The following SLC22A16 variants were observed in gnomAD, a reference collection of about 807,000 sequenced individuals.
SLC22A16 encodes WUGSC:RG331P03.1.
SLC22A16 carries 53 observed loss-of-function variants against 52.9 expected under a neutral mutation model. That is an observed-to-expected ratio of 1.00 (90% CI 0.80 to 1.26). The LOEUF (loss-of-function observed/expected upper bound fraction) is 1.26, where lower values mean the gene tolerates loss of function less well. SLC22A16 is among the 50% of genes most tolerant of loss of function. SLC22A16 has a pLI of 0.00. For synonymous variants in SLC22A16, 291 were observed against 268.8 expected, an observed-to-expected ratio of 1.08 and a Z score of -0.81; for missense variants, 726 against 704.0, an observed-to-expected ratio of 1.03 and a Z score of -0.35.
chr6:110,463,338 AT>A (rs889128575), intron 1 of SLC22A16, among the ~76,000 whole-genome samples: 6 of 151,432 alleles, frequency 4.0e-5, no homozygotes, highest in African/African-American at 4.8e-5. Context: ...AGCAAAATGG[AT>A]TTTTTTTTAA....
At chr6:110,476,409 A>G (rs6920997) in intron 1 of SLC22A16, 113 bp downstream of exon 1, 1,208,856 of 1,391,140 alleles carry the variant, frequency 0.87, 530,671 homozygotes, top group Middle Eastern at 0.9. Context: ...GGTGAGGAGG[A>G]AGTGGAGATG....
chr6:110,454,178 A>G (rs1004451837), intron 2 of SLC22A16, among the ~76,000 whole-genome samples: 2 of 152,104 alleles, frequency 1.3e-5, no homozygotes, highest in African/African-American at 4.8e-5. Context: ...AAGCCATAGC[A>G]CTCATCTTTT....
At chr6:110,459,460 T>C (rs1180361025) in intron 1 of SLC22A16, among the ~76,000 whole-genome samples, 2 of 152,114 alleles carry the variant, frequency 1.3e-5, no homozygotes, top group African/African-American at 4.8e-5. Flanking sequence ...AGACCCCAGA[T>C]TGGGGGTCAT....
chr6:110,438,585 A>T (rs569441239), intron 5 of SLC22A16, 135 bp downstream of exon 5: 1 of 878,586 alleles, frequency 1.1e-6, no homozygotes, highest in South Asian at 4.1e-5. Flanking sequence ...TTTAAAGAAA[A>T]CAGATTTTTA....
At position 110,428,682 on chromosome 6, in the gene SLC22A16, G is replaced by A. The variant is rs191407556; in HGVS notation, c.1521+2489C>T. On this transcript the variant is annotated intron_variant, in intron 7 of 7. Transcript: ENST00000368919. Reference sequence around the variant, plus strand: ...TGTAATCCCAGCACTTTGGGAGGCCGAGATGGGCAGATCACCTGAGGTCAG... The same window carrying A: ...TGTAATCCCAGCACTTTGGGAGGCCAAGATGGGCAGATCACCTGAGGTCAG... Among the ~76,000 whole-genome samples, 731 of 152,278 alleles carry A rather than the reference G, an allele frequency of 4.8e-3. 3 individuals are homozygous for A. Among genetic ancestry groups the A allele is most frequent in the African/African-American group, 0.017 (688 of 41,558 alleles).
chr6:110,470,271 C>T (rs950054279), intron 1 of SLC22A16, among the ~76,000 whole-genome samples: 9 of 152,020 alleles, frequency 5.9e-5, no homozygotes, highest in African/African-American at 1.7e-4. Context: ...AAATCATGTA[C>T]GTATGGTGCA....
intron 4 of SLC22A16, among the ~76,000 whole-genome samples, chr6:110,440,653 C>T (rs767286726): frequency 1.3e-5 from 2 of 151,770 alleles, no homozygotes; most frequent in Non-Finnish European, 2.9e-5. Context: ...GGCATGTGCC[C>T]GTAATATCAT....
In SLC22A16 at chr6:110,476,432, G is replaced by A. The variant is rs1404243774; in HGVS notation, c.53+90C>T. 118 of 1,401,178 alleles carry A rather than the reference G, an allele frequency of 8.4e-5. 1 individual carries two copies. The highest frequency in any genetic ancestry group is 1.0e-4 in the Non-Finnish European group (113 of 1,077,504). The allele number at this position is 1,401,178 out of a possible 1,614,324, so 86.8% of individuals were successfully genotyped here. A position where few individuals can be genotyped will look rare whatever the true frequency, so the allele number is the denominator to read the frequency against. ...GGAAGTGGAGATGTTTTCGGATCGCGAGCGCCGCGCGAGAACCCCGCCGCA... is the reference window on the plus strand; with the variant it reads ...GGAAGTGGAGATGTTTTCGGATCGCAAGCGCCGCGCGAGAACCCCGCCGCA... On this transcript the variant is annotated intron_variant, in intron 1 of 7. Transcript: ENST00000368919.
rs1209110768 is a variant in SLC22A16, at chr6:110,442,651, A to G, written c.776T>C (p.Leu259Ser). The change falls in exon 4 of 8, where the codon TTG becomes TCG. Residue 259 changes from leucine to serine, a missense_variant. By Grantham distance (145) the Leu-to-Ser change is moderately radical (BLOSUM62 -2). Coordinates refer to ENST00000368919, the MANE Select transcript of SLC22A16 (RefSeq NM_033125.4). The stretch of plus-strand genomic sequence containing the variant: ...CCAGGTCCTGACCAAGTATCCTGTC[A>G]AAGCCACCAGCAGGGTTCCAACTGC... ...FFAVGTLLVA[L>S]TGYLVRTWWL... is the part of the protein sequence containing the mutation. The G allele has an allele frequency of 6.2e-7, 1 of 1,614,094 alleles. No homozygotes were observed. Among genetic ancestry groups the G allele is most frequent in the Admixed American group, 1.7e-5 (1 of 60,004 alleles).
chr6:110,446,074 C>T (rs753412410), intron 3 of SLC22A16, among the ~76,000 whole-genome samples: 2 of 152,104 alleles, frequency 1.3e-5, no homozygotes, highest in Non-Finnish European at 1.5e-5. Context: ...GATTGAAGCC[C>T]TTTGCTTCTC....
chr6:110,447,620 C>G (rs914262832), intron 2 of SLC22A16, among the ~76,000 whole-genome samples: 2 of 152,102 alleles, frequency 1.3e-5, no homozygotes, highest in East Asian at 3.8e-4. Context: ...ATACGTTAAT[C>G]ACTCCCAAAA....
intron 6 of SLC22A16, 36 bp from the exon 7 acceptor site, chr6:110,431,306 C>T: frequency 6.4e-7 from 1 of 1,574,544 alleles, no homozygotes; most frequent in South Asian, 1.1e-5. Flanking sequence ...ACAAGTAAGG[C>T]ACAAGTGACC....
chr6:110,428,057 T>C (rs895848928), intron 7 of SLC22A16, among the ~76,000 whole-genome samples: 2 of 152,176 alleles, frequency 1.3e-5, no homozygotes, highest in African/African-American at 2.4e-5. Flanking sequence ...TAATTACGTG[T>C]CCACCTTTTT....
At position 110,471,621 on chromosome 6, in the gene SLC22A16, G is replaced by A. The variant is rs933335992; in HGVS notation, c.53+4901C>T. ...ACAGTGTGGAACAAAAGAAGCCAAA[G>A]GGCAAGTGCCTTTTACCCCACTTAT... is the stretch of plus-strand genomic sequence containing the variant. On this transcript the variant is annotated intron_variant, in intron 1 of 7. Coordinates refer to ENST00000368919, the MANE Select transcript of SLC22A16 (RefSeq NM_033125.4). Among the ~76,000 whole-genome samples the A allele has an allele frequency of 4.6e-5, 7 of 152,232 alleles. No homozygotes were observed. The South Asian group carries it at 1.2e-3, about 27-fold the overall frequency.
chr6:110,468,684 G>GAAGAAA (rs1554228728), intron 1 of SLC22A16, among the ~76,000 whole-genome samples: 5 of 150,708 alleles, frequency 3.3e-5, no homozygotes, highest in African/African-American at 9.8e-5. Flanking sequence ...AGAAGAAGAA[G>GAAGAAA]AAGAAAAAGA....
rs184895151 is a variant in SLC22A16, at chr6:110,471,251, C to T, written c.53+5271G>A. On this transcript the variant is annotated intron_variant, in intron 1 of 7. Transcript: ENST00000368919. ...CTACAGTATTCAGTACAATAACATG[C>T]TGTGCAGGTTTGTAGTCTAGGAGCA... Among the ~76,000 whole-genome samples, 61 of 152,278 alleles carry T rather than the reference C, an allele frequency of 4.0e-4. 2 individuals carry two copies. In the East Asian group the frequency reaches 0.012, roughly 29 times the overall value.
chr6:110,442,153 T>C, intron 4 of SLC22A16, 91 bp downstream of exon 4: 1 of 1,300,320 alleles, frequency 7.7e-7, no homozygotes, highest in East Asian at 2.5e-5. Context: ...AAAACATTCT[T>C]TTTCTCAAAT....
At chr6:110,452,133 A>G (rs1169816007) in intron 2 of SLC22A16, among the ~76,000 whole-genome samples, 2 of 152,106 alleles carry the variant, frequency 1.3e-5, no homozygotes, top group African/African-American at 2.4e-5. Flanking sequence ...TGATATATCT[A>G]TTTACTTTAA....
intron 1 of SLC22A16, among the ~76,000 whole-genome samples, chr6:110,473,491 C>CTTTTTTTTTTTTTTTTTTT (rs763478181): frequency 1.4e-5 from 1 of 71,948 alleles, no homozygotes. Context: ...CCTGTTTTCC[C>CTTTTTTTTTTTTTTTTTTT]TTTTTTTTTT....
Sources: allele counts gnomAD v4.1 joint callset (sites outside exome capture counted in the v4.1 genomes callset), GRCh38; gene constraint gnomAD v4.1.1; transcripts MANE v1.5; gene names NCBI Gene and HGNC (gene_info 2026-07-23, HGNC 2026-07-21).